Variants in KIF26B observed in about 807,000 individuals in gnomAD.
The protein encoded by KIF26B is kinesin-like protein KIF26B.
A neutral mutation model predicts 151.2 loss-of-function variants in KIF26B; 63 were observed. That is an observed-to-expected ratio of 0.42 (90% confidence interval 0.34 to 0.51). KIF26B has a LOEUF of 0.51. Ranked by LOEUF, KIF26B falls within the 20% of genes least tolerant of loss-of-function variation. The pLI is 0.07. For missense variants in KIF26B, 2,813 were observed against 2,913.6 expected, an observed-to-expected ratio of 0.97 and a Z score of 0.79; for synonymous variants, 1,357 against 1,262.1, an observed-to-expected ratio of 1.08 and a Z score of -1.59.
intron 2 of KIF26B, among the ~76,000 whole-genome samples, chr1:245,162,375 C>CTTTTTT (rs138853411): frequency 3.9e-5 from 3 of 76,494 alleles, no homozygotes; most frequent in African/African-American, 1.5e-4. Flanking sequence ...TCAGAAATAT[C>CTTTTTT]TTTTTTTTTT....
Position 245,688,289 on chromosome 1 carries a change from A to C in KIF26B, c.5306A>C (p.Gln1769Pro). ...AAGTCCCTGCCGCAGGCGGTGGGCC[A>C]GGGCTCCAGCTCGCCCCCCGGTGGG... ...STKSLPQAVG[Q>P]GSSSPPGGKH... Residue 1769 changes from glutamine to proline, a missense_variant, in exon 12 of 15, where the codon CAG (glutamine) becomes CCG (proline). Gln to Pro is a moderately conservative substitution (Grantham distance 76). Transcript: ENST00000407071. 3 of 1,596,446 alleles carry C rather than the reference A, an allele frequency of 1.9e-6. No individual in the cohort carries two copies. The highest frequency in any genetic ancestry group is 2.5e-6 in the Non-Finnish European group (3 of 1,178,270).
At chr1:245,453,681 C>G (rs1007419377) in intron 4 of KIF26B, among the ~76,000 whole-genome samples, 4 of 152,076 alleles carry the variant, frequency 2.6e-5, no homozygotes, top group Non-Finnish European at 5.9e-5. Context: ...TGTCGTAATA[C>G]TTTTTGGCAT....
At chr1:245,389,807 A>G (rs1280499675) in intron 3 of KIF26B, among the ~76,000 whole-genome samples, 1 of 152,202 alleles carries the variant, frequency 6.6e-6, no homozygotes, top group Non-Finnish European at 1.5e-5. Context: ...CGCCAGCCCA[A>G]CACTGTGAAT....
chr1:245,647,760 C>A (rs1049182766), intron 10 of KIF26B, among the ~76,000 whole-genome samples: 2 of 152,170 alleles, frequency 1.3e-5, no homozygotes, highest in African/African-American at 4.8e-5. Flanking sequence ...CAGACCCCCC[C>A]ACCAAATACA....
intron 4 of KIF26B, among the ~76,000 whole-genome samples, chr1:245,501,857 A>G (rs1660627828): frequency 6.6e-6 from 1 of 152,182 alleles, no homozygotes; most frequent in Non-Finnish European, 1.5e-5. Flanking sequence ...CAATTGCTTC[A>G]TCATGCCTAC....
intron 2 of KIF26B, among the ~76,000 whole-genome samples, chr1:245,296,761 C>T (rs575768986): frequency 2.0e-5 from 3 of 152,270 alleles, no homozygotes; most frequent in Admixed American, 6.5e-5. Context: ...GATTCATGCC[C>T]GCCATTTTCC....
chr1:245,614,129 C>G (rs1036415236), intron 9 of KIF26B, among the ~76,000 whole-genome samples: 1 of 152,156 alleles, frequency 6.6e-6, no homozygotes, highest in Non-Finnish European at 1.5e-5. Context: ...GCACGCGTCT[C>G]TTGTTTCTTC....
At chr1:245,364,330 G>A (rs1672890469) in intron 2 of KIF26B, among the ~76,000 whole-genome samples, 1 of 151,824 alleles carries the variant, frequency 6.6e-6, no homozygotes, top group Non-Finnish European at 1.5e-5. Flanking sequence ...GAGTGGTTGT[G>A]TCCCTAGGTC....
At chr1:245,647,440 A>AG (rs1277102155) in intron 10 of KIF26B, among the ~76,000 whole-genome samples, 19 of 151,008 alleles carry the variant, frequency 1.3e-4, no homozygotes, top group South Asian at 2.1e-4. Flanking sequence ...AAAAAAAAAA[A>AG]AAAGAAAAAA....
In KIF26B at chr1:245,543,011, CAA is replaced by C. The variant is rs576003552; in HGVS notation, c.1350+2062_1350+2063del. The stretch of plus-strand genomic sequence containing the variant: ...GCCAGCCTGGGGTGCTCATGTACCC[CAA>C]TACCGCCCTGTCCAGGGCACCTCAA... On this transcript the variant is annotated intron_variant, in intron 5 of 14. Coordinates refer to ENST00000407071, the MANE Select transcript of KIF26B (RefSeq NM_018012.4). 7.9e-3 allele frequency among the ~76,000 whole-genome samples: 1,199 copies of C among 152,288 alleles called. 6 individuals carry two copies. The highest frequency in any genetic ancestry group is 0.014 in the Non-Finnish European group (961 of 68,028).
At position 245,534,185 on chromosome 1, in the gene KIF26B, C is replaced by CA. The variant is rs1164956574; in HGVS notation, c.1167-6581dup. ...ACTTTTTTTTTTTTTATTTCTGAGACAGAGTCTCGTGCTGTCCCCCAGGCT... is the reference window on the plus strand; with the variant it reads ...ACTTTTTTTTTTTTTATTTCTGAGACAAGAGTCTCGTGCTGTCCCCCAGGCT... On this transcript the variant is annotated intron_variant, in intron 4 of 14. Coordinates refer to ENST00000407071, the MANE Select transcript of KIF26B (RefSeq NM_018012.4). Among the ~76,000 whole-genome samples, 15 of 151,536 alleles carry CA rather than the reference C, an allele frequency of 9.9e-5. No homozygotes were observed. The East Asian group carries it at 1.9e-3, about 20-fold the overall frequency.
chr1:245,450,266 T>C (rs1264644673), intron 4 of KIF26B, among the ~76,000 whole-genome samples: 1 of 152,214 alleles, frequency 6.6e-6, no homozygotes, highest in African/African-American at 2.4e-5. Context: ...GGAAACAACA[T>C]AATGATTCCT....
chr1:245,174,011 A>C (rs1257874153), intron 2 of KIF26B, among the ~76,000 whole-genome samples: 3 of 152,212 alleles, frequency 2.0e-5, no homozygotes, highest in Non-Finnish European at 4.4e-5. Context: ...CCGGCAAATC[A>C]GTCTTTGTGA....
At chr1:245,171,310 A>C (rs567976012) in intron 2 of KIF26B, among the ~76,000 whole-genome samples, 1 of 152,190 alleles carries the variant, frequency 6.6e-6, no homozygotes, top group Non-Finnish European at 1.5e-5. Context: ...TTGGGAGGCC[A>C]AGGCGGGCGG....
intron 2 of KIF26B, among the ~76,000 whole-genome samples, chr1:245,240,026 C>T (rs1670184964): frequency 6.6e-6 from 1 of 151,886 alleles, no homozygotes; most frequent in South Asian, 2.1e-4. Flanking sequence ...AAAGATTAGC[C>T]GAGTGTCATG....
At chr1:245,662,236 CAATGATATATCT>C (rs2044153963) in intron 10 of KIF26B, among the ~76,000 whole-genome samples, 1 of 149,782 alleles carries the variant, frequency 6.7e-6, no homozygotes, top group South Asian at 2.1e-4. Context: ...TAGATACACC[CAATGATATATCT>C]ATACACACAC....
rs575633485 is a variant in KIF26B at position 245,600,461 on chromosome 1, T to C, written c.1351-2116T>C. 5.3e-5 allele frequency among the ~76,000 whole-genome samples: 8 copies of C among 151,796 alleles called. No homozygotes were observed. The South Asian group carries it at 1.3e-3, about 24-fold the overall frequency. Reference sequence around the variant, plus strand: ...GACCCTGCTACCTCAACCTCCCAAGTAGCTGGCACCTGTAGGTGTGCACCA... The same window carrying C: ...GACCCTGCTACCTCAACCTCCCAAGCAGCTGGCACCTGTAGGTGTGCACCA... On this transcript the variant is annotated intron_variant, in intron 5 of 14. Transcript: ENST00000407071.
intron 5 of KIF26B, among the ~76,000 whole-genome samples, chr1:245,598,937 A>G (rs889859311): frequency 1.3e-5 from 2 of 151,902 alleles, no homozygotes; most frequent in African/African-American, 4.8e-5. Flanking sequence ...AGCTTTCTGG[A>G]TCCCATTCCC....
chr1:245,335,626 AG>A, intron 2 of KIF26B, among the ~76,000 whole-genome samples: 1 of 140,610 alleles, frequency 7.1e-6, no homozygotes, highest in East Asian at 2.2e-4. Context: ...GAGTCCCACG[AG>A]GGGAAAGGAG....
Sources: gnomAD v4.1 joint callset for allele counts (sites outside exome capture counted in the v4.1 genomes callset) on GRCh38, gnomAD v4.1.1 for gene constraint, MANE v1.5 for transcripts, NCBI Gene and HGNC (gene_info 2026-07-23, HGNC 2026-07-21) for gene names.